ASTN2: variants seen among roughly 807,000 people sequenced by gnomAD.
The protein encoded by ASTN2 is astrotactin-2.
ASTN2 carries 54 observed loss-of-function variants against 139.8 expected under a neutral mutation model. The ratio of observed to expected loss-of-function variants is 0.39; its 90% CI spans 0.31 to 0.48. ASTN2 has a LOEUF of 0.48. ASTN2 is among the 20% of genes least tolerant of loss of function. The probability of loss-of-function intolerance (pLI) is 0.95; values close to 1 mark genes in which losing one functional copy is unlikely to be tolerated. For missense variants in ASTN2, 1,565 were observed against 1,725.1 expected, an observed-to-expected ratio of 0.91 and a Z score of 1.64; for synonymous variants, 756 against 719.5, an observed-to-expected ratio of 1.05 and a Z score of -0.81.
At chr9:116,841,585 T>C (rs1182644931) in intron 11 of ASTN2, among the ~76,000 whole-genome samples, 3 of 151,980 alleles carry the variant, frequency 2.0e-5, no homozygotes. Context: ...ACTAAACACA[T>C]AATGAAAGCC....
At chr9:117,318,004 C>T (rs1369557659) in intron 1 of ASTN2, among the ~76,000 whole-genome samples, 1 of 152,206 alleles carries the variant, frequency 6.6e-6, no homozygotes, top group Non-Finnish European at 1.5e-5. Flanking sequence ...AGGGTATCAG[C>T]CCTTTCCCCT....
chr9:116,472,661 T>C (rs1848848880), intron 20 of ASTN2, among the ~76,000 whole-genome samples: 1 of 151,528 alleles, frequency 6.6e-6, no homozygotes, highest in South Asian at 2.1e-4. Flanking sequence ...CCCAGCACCT[T>C]GGGAGGCTGA....
intron 1 of ASTN2, among the ~76,000 whole-genome samples, chr9:117,329,189 T>TC: frequency 6.6e-6 from 1 of 150,376 alleles, no homozygotes; most frequent in East Asian, 1.9e-4. Flanking sequence ...TCTTTTTTTT[T>TC]TTTTTTTTTT....
rs375475523 is a variant in ASTN2 at position 117,002,445 on chromosome 9, G to A, written c.1591+5647C>T. Among the ~76,000 whole-genome samples, 3 of 152,272 alleles carry A rather than the reference G, an allele frequency of 2.0e-5. No homozygotes were observed. The East Asian group carries it at 5.8e-4, about 29-fold the overall frequency. On this transcript the variant is annotated intron_variant, in intron 7 of 22. Transcript: ENST00000313400. ...GTTTGGGGAATAATTGTGAGTATGA[G>A]CAGAGTAAGCAATGGAAAGAGGGAT... is the stretch of plus-strand genomic sequence containing the variant.
At chr9:117,125,490 T>G (rs1287217603) in intron 4 of ASTN2, among the ~76,000 whole-genome samples, 1 of 152,192 alleles carries the variant, frequency 6.6e-6, no homozygotes, top group African/African-American at 2.4e-5. Context: ...GTGGCATTAA[T>G]GTGGAAAGAA....
intron 19 of ASTN2, among the ~76,000 whole-genome samples, chr9:116,524,945 A>G (rs1414015735): frequency 2.6e-5 from 4 of 152,200 alleles, no homozygotes; most frequent in African/African-American, 9.6e-5. Context: ...GATACCTGAA[A>G]ATGTGGAAGT....
chr9:116,428,247 C>T lies in ASTN2; in HGVS notation c.3783-2159G>A, dbSNP rs536216970. On this transcript the variant is annotated intron_variant, in intron 22 of 22. Coordinates refer to ENST00000313400, the MANE Select transcript of ASTN2 (RefSeq NM_001365068.1). ...TAGATAAAGAAGAGGAAAAGGTGGC[C>T]GGGCACGGCGGCTCATGCCTGTAAT... 8.5e-5 allele frequency among the ~76,000 whole-genome samples: 13 copies of T among 152,246 alleles called. No individual in the cohort carries two copies. In the East Asian group the frequency reaches 9.7e-4, roughly 11 times the overall value.
chr9:116,642,684 T>C (rs1857400190), intron 17 of ASTN2, among the ~76,000 whole-genome samples: 1 of 152,194 alleles, frequency 6.6e-6, no homozygotes, highest in Non-Finnish European at 1.5e-5. Context: ...CCAAAGATCC[T>C]ATAAAGTCAA....
At chr9:116,878,421 G>A (rs1280112432) in intron 10 of ASTN2, among the ~76,000 whole-genome samples, 5 of 152,140 alleles carry the variant, frequency 3.3e-5, no homozygotes, top group African/African-American at 4.8e-5. Flanking sequence ...GGAGGTGGAA[G>A]CCATTATCCT....
chr9:117,078,725 TTTTTA>T (rs1335534095), intron 5 of ASTN2, among the ~76,000 whole-genome samples: 1 of 152,076 alleles, frequency 6.6e-6, no homozygotes. Flanking sequence ...CCTGGAGAGC[TTTTTA>T]TTTTATTTTT....
chr9:117,079,486 A>G (rs1424827365), intron 5 of ASTN2, among the ~76,000 whole-genome samples: 1 of 152,194 alleles, frequency 6.6e-6, no homozygotes, highest in Non-Finnish European at 1.5e-5. Flanking sequence ...AAGTGTGTTT[A>G]CCATGCAGAT....
At chr9:116,785,722 C>T (rs1191908556) in intron 13 of ASTN2, among the ~76,000 whole-genome samples, 3 of 152,098 alleles carry the variant, frequency 2.0e-5, no homozygotes, top group Non-Finnish European at 2.9e-5. Flanking sequence ...GTCCCACCTT[C>T]AGAATACATA....
intron 16 of ASTN2, among the ~76,000 whole-genome samples, chr9:116,659,249 G>C (rs1405482930): frequency 6.6e-6 from 1 of 152,020 alleles, no homozygotes; most frequent in African/African-American, 2.4e-5. Flanking sequence ...AGTTTCATGA[G>C]AACAAGGACC....
intron 12 of ASTN2, among the ~76,000 whole-genome samples, chr9:116,813,243 C>T (rs1336926082): frequency 6.6e-6 from 1 of 151,962 alleles, no homozygotes; most frequent in Non-Finnish European, 1.5e-5. Flanking sequence ...GATGTGTTAC[C>T]CTTAACACAC....
At chr9:117,204,162 C>T (rs542970139) in intron 3 of ASTN2, among the ~76,000 whole-genome samples, 3 of 152,324 alleles carry the variant, frequency 2.0e-5, no homozygotes, top group African/African-American at 7.2e-5. Context: ...GTGTGTTGGG[C>T]TGTGGGGACA....
Position 116,537,364 on chromosome 9 carries a change from G to T in ASTN2, c.3356-49864C>A, listed in dbSNP as rs138114138. On this transcript the variant is annotated intron_variant, in intron 19 of 22. Coordinates refer to ENST00000313400, the MANE Select transcript of ASTN2 (RefSeq NM_001365068.1). ...TGTTTACATAATGGTGGTACAAACA[G>T]AAATGCAACTTTGGTTTCACAATTT... Among the ~76,000 whole-genome samples, 1,007 of 152,308 alleles carry T rather than the reference G, an allele frequency of 6.6e-3. 14 individuals are homozygous for T. The highest frequency in any genetic ancestry group is 0.023 in the African/African-American group (942 of 41,570).
At chr9:117,283,064 T>C (rs537969203) in intron 2 of ASTN2, among the ~76,000 whole-genome samples, 1 of 152,104 alleles carries the variant, frequency 6.6e-6, no homozygotes, top group Non-Finnish European at 1.5e-5. Flanking sequence ...TTATTTCCAT[T>C]TTGCAAATGA....
At chr9:116,923,515 AG>A (rs544169372) in intron 10 of ASTN2, among the ~76,000 whole-genome samples, 124 of 152,282 alleles carry the variant, frequency 8.1e-4, no homozygotes, top group Admixed American at 1.9e-3. Context: ...TTATGAGAAA[AG>A]GTGAGTGAGG....
intron 10 of ASTN2, among the ~76,000 whole-genome samples, chr9:116,877,155 C>G (rs563582155): frequency 6.6e-6 from 1 of 152,282 alleles, no homozygotes; most frequent in East Asian, 1.9e-4. Context: ...CGGTCTAACC[C>G]CAGCCAATAG....
Sources: allele counts gnomAD v4.1 joint callset (sites outside exome capture counted in the v4.1 genomes callset), GRCh38; gene constraint gnomAD v4.1.1; transcripts MANE v1.5; gene names NCBI Gene and HGNC (gene_info 2026-07-23, HGNC 2026-07-21).